Variants in ADGRB3 observed in about 807,000 individuals in gnomAD.
ADGRB3 encodes brain-specific angiogenesis inhibitor 3.
Under a neutral mutation model 193.4 loss-of-function variants are expected in ADGRB3, and 37 were observed. That is an observed-to-expected ratio of 0.19 (90% confidence interval 0.15 to 0.25). ADGRB3 has a LOEUF of 0.25. ADGRB3 is among the 10% of genes least tolerant of loss of function. The pLI is 1.00. For missense variants in ADGRB3, 1,637 were observed against 1,852.9 expected, an observed-to-expected ratio of 0.88 and a Z score of 2.14; for synonymous variants, 690 against 644.2, an observed-to-expected ratio of 1.07 and a Z score of -1.08.
intron 17 of ADGRB3, among the ~76,000 whole-genome samples, chr6:69,210,689 T>A (rs1765644908): frequency 6.6e-6 from 1 of 152,122 alleles, no homozygotes; most frequent in Non-Finnish European, 1.5e-5. Context: ...AGCCAATGAC[T>A]TAATCATTTC....
chr6:68,861,304 T>C (rs1177110374), intron 3 of ADGRB3, among the ~76,000 whole-genome samples: 1 of 152,190 alleles, frequency 6.6e-6, no homozygotes, highest in Non-Finnish European at 1.5e-5. Flanking sequence ...GAGGGCACGG[T>C]GGCTCACGCC....
intron 17 of ADGRB3, among the ~76,000 whole-genome samples, chr6:69,136,050 G>T (rs1026364658): frequency 2.0e-5 from 3 of 151,982 alleles, no homozygotes; most frequent in African/African-American, 7.2e-5. Flanking sequence ...TTACTGAAAA[G>T]CAGTAGTGTC....
intron 20 of ADGRB3, among the ~76,000 whole-genome samples, chr6:69,297,368 T>TTCTCTCTCTCTCTCTCTCTCTCTCTTTC (rs70987459): frequency 1.0e-5 from 1 of 97,614 alleles, no homozygotes; most frequent in African/African-American, 3.9e-5. Context: ...CTCTCTCTCT[T>TTCTCTCTCTCTCTCTCTCTCTCTCTTTC]TCTCTCTCTC....
intron 15 of ADGRB3, among the ~76,000 whole-genome samples, chr6:69,060,220 T>TTCTTTCTCTCTCTCTC (rs1771698555): frequency 7.7e-6 from 1 of 129,552 alleles, no homozygotes; most frequent in Admixed American, 7.6e-5. Flanking sequence ...CTCTCTCTCT[T>TTCTTTCTCTCTCTCTC]TCTCTCTCTC....
intron 10 of ADGRB3, among the ~76,000 whole-genome samples, chr6:68,986,968 T>A (rs1380389648): frequency 2.0e-5 from 3 of 152,048 alleles, no homozygotes; most frequent in Non-Finnish European, 4.4e-5. Context: ...CCTCTCCACA[T>A]CTCTCTATAA....
At chr6:68,915,786 A>C (rs1766862547) in intron 3 of ADGRB3, among the ~76,000 whole-genome samples, 1 of 152,044 alleles carries the variant, frequency 6.6e-6, no homozygotes, top group Admixed American at 6.6e-5. Context: ...AAACTACCCA[A>C]GAAAAAAAAC....
chr6:69,264,496 C>A (rs1766995458), intron 20 of ADGRB3, among the ~76,000 whole-genome samples: 1 of 151,638 alleles, frequency 6.6e-6, no homozygotes, highest in African/African-American at 2.4e-5. Context: ...ACTAGACAGG[C>A]ATGTCTTTCT....
At chr6:68,826,233 A>G (rs1052041494) in intron 3 of ADGRB3, among the ~76,000 whole-genome samples, 5 of 152,210 alleles carry the variant, frequency 3.3e-5, no homozygotes, top group African/African-American at 1.2e-4. Context: ...TCAATGCTAC[A>G]GGGGAATAAA....
chr6:68,761,526 G>A (rs1016782760), intron 3 of ADGRB3, among the ~76,000 whole-genome samples: 4 of 151,276 alleles, frequency 2.6e-5, no homozygotes, highest in African/African-American at 9.8e-5. Context: ...GTTCAGTGTC[G>A]ATGTGGTGCT....
intron 13 of ADGRB3, among the ~76,000 whole-genome samples, chr6:69,040,348 TC>T (rs1341593494): frequency 1.9e-5 from 1 of 52,742 alleles, no homozygotes; most frequent in Non-Finnish European, 4.0e-5. Context: ...TTTCTTTCTT[TC>T]TTTCTTTCTT....
intron 3 of ADGRB3, among the ~76,000 whole-genome samples, chr6:68,848,100 TAATAAA>T (rs979666215): frequency 2.6e-5 from 4 of 151,902 alleles, no homozygotes; most frequent in Non-Finnish European, 5.9e-5. Flanking sequence ...ATCAGTCACT[TAATAAA>T]AATAAAAACA....
intron 17 of ADGRB3, among the ~76,000 whole-genome samples, chr6:69,225,733 A>G (rs1015796976): frequency 6.6e-6 from 1 of 152,194 alleles, no homozygotes; most frequent in African/African-American, 2.4e-5. Flanking sequence ...GTGGGAGCTT[A>G]ATTTATCTCC....
chr6:68,890,353 CACAGGTA>C (rs1053637465), intron 3 of ADGRB3, among the ~76,000 whole-genome samples: 13 of 152,114 alleles, frequency 8.5e-5, no homozygotes, highest in African/African-American at 2.7e-4. Flanking sequence ...TGCTTCTTTC[CACAGGTA>C]AGAGCAATCC....
chr6:68,977,036 A>G (rs1242297452), intron 10 of ADGRB3, among the ~76,000 whole-genome samples: 2 of 148,892 alleles, frequency 1.3e-5, no homozygotes, highest in Admixed American at 6.7e-5. Context: ...ATTCAAAAAT[A>G]GAAATATAAA....
intron 17 of ADGRB3, among the ~76,000 whole-genome samples, chr6:69,161,290 G>A (rs373932419): frequency 1.3e-5 from 2 of 151,854 alleles, no homozygotes; most frequent in South Asian, 2.1e-4. Flanking sequence ...AATCTTCCTC[G>A]ACTGCAACTG....
intron 20 of ADGRB3, among the ~76,000 whole-genome samples, chr6:69,273,772 T>C (rs1767231115): frequency 1.3e-5 from 2 of 152,220 alleles, no homozygotes; most frequent in South Asian, 4.1e-4. Flanking sequence ...TGCAATGTGG[T>C]TCTACTGCTG....
At chr6:68,987,873 A>C (rs1769125515) in intron 10 of ADGRB3, among the ~76,000 whole-genome samples, 1 of 152,202 alleles carries the variant, frequency 6.6e-6, no homozygotes, top group Admixed American at 6.6e-5. Flanking sequence ...AAAGGTAGCA[A>C]GTATATAACT....
intron 8 of ADGRB3, among the ~76,000 whole-genome samples, chr6:68,969,493 T>C (rs891405095): frequency 6.6e-6 from 1 of 152,190 alleles, no homozygotes; most frequent in African/African-American, 2.4e-5. Flanking sequence ...ACAGCTATCT[T>C]AGTTCTTTCT....
intron 20 of ADGRB3, among the ~76,000 whole-genome samples, chr6:69,291,916 G>A (rs762648916): frequency 6.6e-6 from 1 of 152,122 alleles, no homozygotes; most frequent in Non-Finnish European, 1.5e-5. Flanking sequence ...AGACCCTCAT[G>A]TGAGAGGTGC....
Sources: allele counts gnomAD v4.1 joint callset (sites outside exome capture counted in the v4.1 genomes callset), GRCh38; gene constraint gnomAD v4.1.1; transcripts MANE v1.5; gene names NCBI Gene and HGNC (gene_info 2026-07-23, HGNC 2026-07-21).